The following BANP variants were observed in gnomAD, a reference collection of about 807,000 sequenced individuals.
The protein encoded by BANP is BTG3 associated nuclear protein, also known as protein BANP.
BANP carries 11 observed loss-of-function variants against 68.1 expected under a neutral mutation model. That is an observed-to-expected ratio of 0.16 (90% CI 0.10 to 0.27). The LOEUF is 0.27. Among genes scored for constraint, BANP ranks in the 10% least tolerant of loss-of-function variants. The pLI is 1.00. For synonymous variants in BANP, 329 were observed against 303.2 expected, an observed-to-expected ratio of 1.09 and a Z score of -0.88; for missense variants, 504 against 722.7, an observed-to-expected ratio of 0.70 and a Z score of 3.47.
intron 13 of BANP, 69 bp downstream of exon 13, chr16:88,072,281 A>G: frequency 6.5e-7 from 1 of 1,527,874 alleles, no homozygotes; most frequent in Non-Finnish European, 8.8e-7. Context: ...CACCGGGCAC[A>G]CGTGGCCCCG....
intron 2 of BANP, among the ~76,000 whole-genome samples, chr16:87,978,991 A>G (rs2062746214): frequency 1.3e-5 from 2 of 152,346 alleles, no homozygotes; most frequent in Non-Finnish European, 2.9e-5. Flanking sequence ...TCAAAGACCA[A>G]AATCGGTCGA....
intron 7 of BANP, among the ~76,000 whole-genome samples, chr16:88,026,560 G>T (rs953849645): frequency 1.6e-4 from 24 of 152,160 alleles, no homozygotes; most frequent in Non-Finnish European, 3.2e-4. Context: ...TGTTTGCGAG[G>T]GGAACAGAAT....
intron 11 of BANP, among the ~76,000 whole-genome samples, chr16:88,054,882 T>A (rs1280781587): frequency 6.6e-6 from 1 of 152,180 alleles, no homozygotes; most frequent in African/African-American, 2.4e-5. Flanking sequence ...GCAGATTGAA[T>A]CTAATGTGCA....
rs550952568 is a variant in BANP, at chr16:88,012,021, TG to T, written c.655+5758del. Among the ~76,000 whole-genome samples, 3 of 152,370 alleles carry T rather than the reference TG, an allele frequency of 2.0e-5. No homozygotes were observed. In the South Asian group the frequency reaches 6.2e-4, roughly 32 times the overall value. ...GGGGTGTCCCTAGTCCCCAGGATCC[TG>T]GCATACCCCAACACATTATATTTTC... is the stretch of plus-strand genomic sequence containing the variant. On this transcript the variant is annotated intron_variant, in intron 6 of 13. Transcript: ENST00000682872.
In BANP at chr16:88,003,342, T is replaced by C. The variant is rs914977595; in HGVS notation, c.363-953T>C. 4 of 419,566 alleles carry C rather than the reference T, an allele frequency of 9.5e-6. No homozygotes were observed. The highest frequency in any genetic ancestry group is 8.1e-5 in the African/African-American group (4 of 49,264). The allele number at this position is 419,566 out of a possible 1,614,324, so 26.0% of individuals were successfully genotyped here. On this transcript the variant is annotated intron_variant, in intron 4 of 13. Transcript: ENST00000682872. This position sits in a 1 kb window ranked among gnomAD's most constrained non-coding sequence, Gnocchi z 6.1. ...AATGTGGGGACAGTTACAGTGATAC[T>C]AGGCTAGAATTTCCTATGTGCAGAT...
In BANP at chr16:88,072,604, C is replaced by T. The variant is rs58843942; in HGVS notation, c.1521+392C>T. ...TCAGCTCGGGGCAGAGCCAGTACCTCGGGCTGCTGTGGCCCTAGCGTCCAC... is the reference window on the plus strand; with the variant it reads ...TCAGCTCGGGGCAGAGCCAGTACCTTGGGCTGCTGTGGCCCTAGCGTCCAC... On this transcript the variant is annotated intron_variant, in intron 13 of 13. Coordinates refer to ENST00000682872, the MANE Select transcript of BANP (RefSeq NM_001386991.1). 5.7e-3 allele frequency among the ~76,000 whole-genome samples: 870 copies of T among 152,384 alleles called. 10 individuals carry two copies. Among genetic ancestry groups the T allele is most frequent in the African/African-American group, 0.02 (818 of 41,596 alleles).
chr16:87,986,164 T>A (rs1344437659), intron 4 of BANP, among the ~76,000 whole-genome samples: 1 of 152,190 alleles, frequency 6.6e-6, no homozygotes, highest in Non-Finnish European at 1.5e-5. Context: ...CCTGGGCACC[T>A]GCATTGAGAA....
intron 11 of BANP, among the ~76,000 whole-genome samples, chr16:88,050,721 C>T (rs1458406969): frequency 6.6e-6 from 1 of 152,170 alleles, no homozygotes; most frequent in Non-Finnish European, 1.5e-5. Context: ...GACAGTCTCA[C>T]TCTGTTGTCG....
rs1364747202 is a variant in BANP, at chr16:88,065,248, G to A, written c.1312-19G>A. On this transcript the variant is annotated intron_variant, in intron 11 of 13. Coordinates refer to ENST00000682872, the MANE Select transcript of BANP (RefSeq NM_001386991.1). ...TTCTGGAGGCTCCAGGGGAAAATTC[G>A]TTTTCTTGCCTTTTCCAGCTTCTAG... 2 of 734,658 alleles carry A rather than the reference G, an allele frequency of 2.7e-6. No individual in the cohort carries two copies. The highest frequency in any genetic ancestry group is 1.8e-5 in the Admixed American group (1 of 54,472). 45.5% of individuals were successfully genotyped at this position (734,658 alleles called of 1,614,324 possible).
chr16:88,019,538 C>A (rs1043338676), intron 7 of BANP, among the ~76,000 whole-genome samples: 4 of 119,510 alleles, frequency 3.3e-5, no homozygotes, highest in African/African-American at 1.2e-4. Flanking sequence ...TCTCAGCATG[C>A]CGGGGGCGTC....
chr16:88,010,521 A>T (rs567719141), intron 6 of BANP, among the ~76,000 whole-genome samples: 1 of 152,364 alleles, frequency 6.6e-6, no homozygotes, highest in South Asian at 2.1e-4. Flanking sequence ...GCCATCCTGC[A>T]GCTGCTACTG....
chr16:88,018,935 A>G lies in BANP; in HGVS notation c.895+268A>G, dbSNP rs773746494. 2.7e-5 allele frequency among the ~76,000 whole-genome samples: 4 copies of G among 150,930 alleles called. No individual in the cohort carries two copies. The highest frequency in any genetic ancestry group is 5.9e-5 in the Non-Finnish European group (4 of 67,654). On this transcript the variant is annotated intron_variant, in intron 7 of 13. Coordinates refer to ENST00000682872, the MANE Select transcript of BANP (RefSeq NM_001386991.1). This position sits in a 1 kb window ranked among gnomAD's most constrained non-coding sequence, Gnocchi z 7.7. ...ACTGTGTACCCTTAGAAGGTGAAAA[A>G]CTCCTCGCCTCCTGTCTGTAGGCCA...
At chr16:88,023,613 C>G (rs568023660) in intron 7 of BANP, among the ~76,000 whole-genome samples, 1 of 152,264 alleles carries the variant, frequency 6.6e-6, no homozygotes, top group African/African-American at 2.4e-5. Flanking sequence ...TGATAAAGCC[C>G]CATGCCACCC....
At chr16:88,017,131 G>A (rs2074761707) in intron 6 of BANP, 1 of 152,262 alleles carries the variant, frequency 6.6e-6, no homozygotes, top group African/African-American at 2.4e-5. Context: ...GCCCTTGTAG[G>A]AGCCGGAAAG....
chr16:88,033,692 G>A (rs1210097170), intron 9 of BANP, among the ~76,000 whole-genome samples: 5 of 152,210 alleles, frequency 3.3e-5, no homozygotes, highest in African/African-American at 1.2e-4. Context: ...CCCATGCAGC[G>A]TGTCCCTTGG....
chr16:88,072,045 G>A (rs368041267), intron 12 of BANP, 24 bp from the exon 13 acceptor site: 45 of 1,552,848 alleles, frequency 2.9e-5, no homozygotes, highest in African/African-American at 2.7e-4. Context: ...CGCCGCTGAC[G>A]GGCCCCCGTG....
chr16:88,045,268 G>A (rs1263145980), intron 11 of BANP, among the ~76,000 whole-genome samples: 6 of 152,232 alleles, frequency 3.9e-5, no homozygotes, highest in Non-Finnish European at 5.9e-5. Context: ...CTGGCCTTCT[G>A]TTGGTCATAT....
intron 11 of BANP, among the ~76,000 whole-genome samples, chr16:88,040,498 T>G (rs895068673): frequency 3.3e-5 from 5 of 149,952 alleles, no homozygotes; most frequent in Non-Finnish European, 7.4e-5. Flanking sequence ...CCCCGAGCAG[T>G]GCGGGGGTCA....
chr16:87,951,193 G>T (rs567697561), upstream of BANP, among the ~76,000 whole-genome samples: 52 of 152,382 alleles, frequency 3.4e-4, no homozygotes, highest in Non-Finnish European at 6.6e-4. Context: ...GTCCACTGAG[G>T]TGATTGTTCT....
Sources: gnomAD v4.1 joint callset for allele counts (sites outside exome capture counted in the v4.1 genomes callset) on GRCh38, gnomAD v4.1.1 for gene constraint, Gnocchi (gnomAD v3.1) non-coding constraint, MANE v1.5 for transcripts, NCBI Gene and HGNC (gene_info 2026-07-23, HGNC 2026-07-21) for gene names.